Variants in SI observed in about 807,000 individuals in gnomAD.
SI encodes the protein sucrase-isomaltase, also known as sucrase-isomaltase, intestinal.
SI carries 235 observed loss-of-function variants against 253.3 expected under a neutral mutation model. The ratio of observed to expected loss-of-function variants is 0.93; its 90% CI spans 0.83 to 1.03. The LOEUF is 1.03. Ranked by LOEUF, SI falls within the 50% of genes least tolerant of loss-of-function variation. The pLI, the probability that SI is intolerant of heterozygous loss-of-function variation, is 0.00. For missense variants in SI, 2,442 were observed against 2,211.1 expected (o/e 1.10, Z -2.09); for synonymous variants, 819 against 712.0 (o/e 1.15, Z -2.39).
chr3:165,012,964 C>A lies in SI; in HGVS notation c.4062+16G>T, dbSNP rs1559988847. Reference sequence around the variant, plus strand: ...GAATTTCTTCTCATTGTATAGTTAGCCCGTGTAAAACTTACATTAACAGCT... The same window carrying A: ...GAATTTCTTCTCATTGTATAGTTAGACCGTGTAAAACTTACATTAACAGCT... On this transcript the variant is annotated intron_variant, in intron 34 of 47. Coordinates refer to ENST00000264382, the MANE Select transcript of SI (RefSeq NM_001041.4). 2 of 1,511,748 alleles carry A rather than the reference C, an allele frequency of 1.3e-6. No homozygotes were observed. Among genetic ancestry groups the A allele is most frequent in the Non-Finnish European group, 1.8e-6 (2 of 1,086,798 alleles). The allele number at this position is 1,511,748 out of a possible 1,614,324, so 93.6% of individuals were successfully genotyped here.
In SI at chr3:165,058,861, C is replaced by CACACACACACAG; in HGVS notation, c.1398+101_1398+102insCTGTGTGTGTGT. 3 of 751,418 alleles carry CACACACACACAG rather than the reference C, an allele frequency of 4.0e-6. No homozygotes were observed. In the South Asian group the frequency reaches 4.8e-5, roughly 12 times the overall value. The allele number at this position is 751,418 out of a possible 1,614,324, so 46.5% of individuals were successfully genotyped here. ...AAATTCAGACTTGAAAGCAGACATA[C>CACACACACACAG]ACACACACACACACACACACACACA... On this transcript the variant is annotated intron_variant, in intron 12 of 47. Transcript: ENST00000264382.
chr3:165,066,208 A>G (rs1714239453), intron 6 of SI, among the ~76,000 whole-genome samples: 1 of 152,020 alleles, frequency 6.6e-6, no homozygotes, highest in Non-Finnish European at 1.5e-5. Flanking sequence ...TGATTTAAGT[A>G]TACAAGAAGA....
chr3:165,087,307 G>A, the SI span, among the ~76,000 whole-genome samples: 15 of 152,012 alleles, frequency 9.9e-5, no homozygotes, highest in Admixed American at 5.9e-4. Context: ...GGCCAAACTA[G>A]AACAGAGAAC....
the SI span, among the ~76,000 whole-genome samples, chr3:165,083,704 T>C: frequency 2.0e-5 from 3 of 152,032 alleles, no homozygotes; most frequent in African/African-American, 4.8e-5. Flanking sequence ...ATCTAGAAGT[T>C]CTTAGTTGGA....
chr3:165,059,617 C>T (rs891301019), intron 10 of SI, among the ~76,000 whole-genome samples: 6 of 151,804 alleles, frequency 4.0e-5, no homozygotes, highest in Non-Finnish European at 8.8e-5. Context: ...TATGTAGATT[C>T]TAAAATTAAG....
At chr3:165,030,966 C>G in intron 24 of SI, 99 bp from the exon 25 acceptor site, 2 of 1,415,406 alleles carry the variant, frequency 1.4e-6, no homozygotes, top group Non-Finnish European at 1.9e-6. Context: ...TTTAAAAAAA[C>G]ATTTTACATT....
At chr3:165,069,426 A>T (rs1325503802) in intron 3 of SI, among the ~76,000 whole-genome samples, 1 of 152,138 alleles carries the variant, frequency 6.6e-6, no homozygotes, top group African/African-American at 2.4e-5. Flanking sequence ...TGATTATTAA[A>T]ATCACGTATC....
chr3:165,062,253 C>T (rs114533006), intron 9 of SI, 118 bp downstream of exon 9: 15,612 of 642,484 alleles, frequency 0.024, 262 homozygotes, highest in Middle Eastern at 0.05. Context: ...ATAAGATTTT[C>T]GAAAACATTT....
At chr3:165,017,732 AT>A (rs751135332) in intron 30 of SI, 28 bp downstream of exon 30, 14 of 1,597,646 alleles carry the variant, frequency 8.8e-6, no homozygotes, top group Non-Finnish European at 1.2e-5. Flanking sequence ...AAAATTTTTA[AT>A]TTTTTTAAAA....
At chr3:165,065,468 T>TATAG (rs377654224) in intron 6 of SI, 36 bp from the exon 7 acceptor site, 2,913 of 225,338 alleles carry the variant, frequency 0.013, 236 homozygotes, top group African/African-American at 0.046. Flanking sequence ...TAATCTAATA[T>TATAG]ATATATATAT....
chr3:164,996,579 C>T lies in SI; in HGVS notation c.4648G>A (p.Ala1550Thr), dbSNP rs766815320. 3.7e-6 allele frequency: 6 copies of T among 1,608,418 alleles called. No homozygotes were observed. The highest frequency in any genetic ancestry group is 1.1e-5 in the South Asian group (1 of 90,966). Residue 1550 changes from alanine (A) to threonine (T), a missense_variant, in exon 40 of 48, where the codon GCA becomes ACA. Physicochemically the swap from Ala to Thr is moderately conservative, Grantham distance 58 (BLOSUM62 0). Transcript: ENST00000264382. ...HLCTRWMQLGAFYPYSRNHNI... is the reference protein window; with the variant it reads ...HLCTRWMQLGTFYPYSRNHNI... Reference sequence around the variant, plus strand: ...TGATTCCTTGAGTATGGATAAAATGCTCCAAGTTGCATCCAGCGGGTACAG... The same window carrying T: ...TGATTCCTTGAGTATGGATAAAATGTTCCAAGTTGCATCCAGCGGGTACAG...
intron 36 of SI, among the ~76,000 whole-genome samples, chr3:165,007,585 A>G (rs1718572973): frequency 6.6e-6 from 1 of 151,998 alleles, no homozygotes; most frequent in East Asian, 1.9e-4. Context: ...AAAATTATTA[A>G]GCAAACCAAA....
chr3:165,020,866 T>C (rs1449350174), intron 27 of SI, among the ~76,000 whole-genome samples: 1 of 151,698 alleles, frequency 6.6e-6, no homozygotes, highest in Non-Finnish European at 1.5e-5. Context: ...CAATAAACTA[T>C]TTCAACAGTT....
chr3:165,051,219 T>C lies in SI; in HGVS notation c.1513-1344A>G, dbSNP rs148964556. Among the ~76,000 whole-genome samples the C allele has an allele frequency of 4.3e-3, 659 of 152,124 alleles. 3 individuals carry two copies. Among genetic ancestry groups the C allele is most frequent in the African/African-American group, 0.015 (616 of 41,544 alleles). On this transcript the variant is annotated intron_variant, in intron 13 of 47. Transcript: ENST00000264382. ...ATTCTCAAAATATTCTCATAAAAGT[T>C]TCTAACTATGGATATAAAAAGAAGC...
At chr3:165,083,083 T>A (rs1715393776), upstream of SI, among the ~76,000 whole-genome samples, 1 of 151,880 alleles carries the variant, frequency 6.6e-6, no homozygotes, top group Non-Finnish European at 1.5e-5. Context: ...TACTCAAAAG[T>A]CAATTTTTGC....
chr3:165,042,041 C>A (rs1220487846), intron 17 of SI, among the ~76,000 whole-genome samples: 1 of 152,028 alleles, frequency 6.6e-6, no homozygotes, highest in Non-Finnish European at 1.5e-5. Context: ...AAGTTCAGAC[C>A]TGAACGGTGG....
At position 165,069,105 on chromosome 3, in the gene SI, C is replaced by A. The variant is rs1247427505; in HGVS notation, c.346G>T (p.Val116Phe). 6.2e-7 allele frequency: 1 copy of A among 1,611,830 alleles called. No individual in the cohort carries two copies. Among genetic ancestry groups the A allele is most frequent in the Admixed American group, 1.7e-5 (1 of 59,956 alleles). ...CFFVDNHGYN[V>F]QDMTTTSIGV... ...ATACTTGTTGTTGTCATGTCTTGAA[C>A]GTTATAACCATGATTATCAACGAAG... is the stretch of plus-strand genomic sequence containing the variant. The change falls in exon 4 of 48, where the codon GTT becomes TTT. Residue 116 changes from valine (V) to phenylalanine (F), a missense_variant. Coordinates refer to ENST00000264382, the MANE Select transcript of SI (RefSeq NM_001041.4).
intron 44 of SI, 35 bp downstream of exon 44, chr3:164,991,318 A>G (rs201399609): frequency 1.2e-6 from 2 of 1,612,920 alleles, no homozygotes; most frequent in East Asian, 2.2e-5. Context: ...ATGTATCTCA[A>G]AATTTAACCT....
intron 5 of SI, among the ~76,000 whole-genome samples, chr3:165,068,177 C>T (rs1373935607): frequency 1.0e-5 from 1 of 97,398 alleles, no homozygotes; most frequent in Non-Finnish European, 2.3e-5. Flanking sequence ...GATTAATCTT[C>T]TGCATAGCCT....
Sources: gnomAD v4.1 joint callset for allele counts (sites outside exome capture counted in the v4.1 genomes callset) on GRCh38, gnomAD v4.1.1 for gene constraint, MANE v1.5 for transcripts, NCBI Gene and HGNC (gene_info 2026-07-23, HGNC 2026-07-21) for gene names.